Variants in UHRF2 observed in about 807,000 individuals in gnomAD.
UHRF2 encodes the protein ubiquitin like with PHD and ring finger domains 2.
In UHRF2, 23 loss-of-function variants were observed where a neutral mutation model predicts 96.8. That is an observed-to-expected ratio of 0.24 (90% CI 0.17 to 0.34). The LOEUF (loss-of-function observed/expected upper bound fraction) is 0.34, where lower values mean the gene tolerates loss of function less well. UHRF2 is among the 10% of genes least tolerant of loss of function. The pLI is 1.00. For synonymous variants in UHRF2, 385 were observed against 332.6 expected, an observed-to-expected ratio of 1.16 and a Z score of -1.72; for missense variants, 685 against 981.5, an observed-to-expected ratio of 0.70 and a Z score of 4.04.
chr9:6,447,540 A>T (rs1464608730), intron 3 of UHRF2, among the ~76,000 whole-genome samples: 1 of 152,230 alleles, frequency 6.6e-6, no homozygotes, highest in Non-Finnish European at 1.5e-5. Context: ...CTGAGAGTAG[A>T]TTAATACAGC....
intron 2 of UHRF2, among the ~76,000 whole-genome samples, chr9:6,428,713 CT>C: frequency 3.3e-5 from 5 of 151,984 alleles, no homozygotes; most frequent in African/African-American, 1.2e-4. Context: ...CCATACCCAG[CT>C]AATTTTCAAT....
At chr9:6,504,344 A>G in intron 14 of UHRF2, 2 of 284,424 alleles carry the variant, frequency 7.0e-6, no homozygotes, top group South Asian at 8.7e-5. Context: ...AAGACATTAA[A>G]TGTGACTGAA....
intron 4 of UHRF2, among the ~76,000 whole-genome samples, chr9:6,461,970 T>A (rs1180974781): frequency 6.6e-6 from 1 of 151,916 alleles, no homozygotes; most frequent in Non-Finnish European, 1.5e-5. Context: ...CCGAGGGTTT[T>A]AGAATAACCC....
At position 6,488,524 on chromosome 9, in the gene UHRF2, T is replaced by C. The variant is rs894094713; in HGVS notation, c.1497+1599T>C. Among the ~76,000 whole-genome samples, 5 of 148,928 alleles carry C rather than the reference T, an allele frequency of 3.4e-5. No homozygotes were observed. In the Admixed American group the frequency reaches 3.4e-4, roughly 10 times the overall value. Reference sequence around the variant, plus strand: ...CTTAACCTCTGACAACCACTAATCTTTTCTCTTTTTCTTTTCTTTTTTTTT... The same window carrying C: ...CTTAACCTCTGACAACCACTAATCTCTTCTCTTTTTCTTTTCTTTTTTTTT... On this transcript the variant is annotated intron_variant, in intron 9 of 15. Transcript: ENST00000276893.
chr9:6,422,773 A>G, intron 2 of UHRF2: 1 of 429,330 alleles, frequency 2.3e-6, no homozygotes, highest in Non-Finnish European at 4.2e-6. Flanking sequence ...ATGCCCGGCT[A>G]ACTTAGATCT....
chr9:6,501,301 A>T (rs577287650), intron 14 of UHRF2, among the ~76,000 whole-genome samples: 1 of 152,162 alleles, frequency 6.6e-6, no homozygotes, highest in Non-Finnish European at 1.5e-5. Context: ...AATATGAACT[A>T]TCTCTTCATT....
At chr9:6,484,448 TCCTCCCC>T (rs1824134141) in intron 8 of UHRF2, 2 of 73,296 alleles carry the variant, frequency 2.7e-5, no homozygotes, top group Admixed American at 3.8e-4. Context: ...CCCTCCTCCC[TCCTCCCC>T]CCTCCTCCTG....
intron 2 of UHRF2, among the ~76,000 whole-genome samples, chr9:6,430,171 C>T (rs1275549102): frequency 3.3e-5 from 5 of 152,090 alleles, no homozygotes; most frequent in Admixed American, 2.0e-4. Context: ...CCACCATGCC[C>T]GGCTAATTTT....
intron 8 of UHRF2, among the ~76,000 whole-genome samples, chr9:6,482,488 A>G (rs544144621): frequency 6.3e-4 from 96 of 152,308 alleles, no homozygotes; most frequent in African/African-American, 2.0e-3. Context: ...TATCCTCCTG[A>G]ACAAATGCTA....
At chr9:6,459,397 G>C (rs893119651) in intron 3 of UHRF2, among the ~76,000 whole-genome samples, 1 of 152,128 alleles carries the variant, frequency 6.6e-6, no homozygotes, top group Admixed American at 6.5e-5. Context: ...GGCCGGGTGC[G>C]GTGGCTCATG....
chr9:6,427,847 GA>G (rs1820346954), intron 2 of UHRF2, among the ~76,000 whole-genome samples: 1 of 152,156 alleles, frequency 6.6e-6, no homozygotes, highest in Non-Finnish European at 1.5e-5. Context: ...AGATTGTACA[GA>G]GGCTGGGTCC....
intron 2 of UHRF2, chr9:6,422,526 T>A (rs1819989359): frequency 2.3e-6 from 1 of 434,298 alleles, no homozygotes. Flanking sequence ...ATTGCATCTA[T>A]AGATCAGCTT....
chr9:6,474,205 C>T (rs1370512918), intron 4 of UHRF2, among the ~76,000 whole-genome samples: 1 of 152,124 alleles, frequency 6.6e-6, no homozygotes, highest in African/African-American at 2.4e-5. Flanking sequence ...ATTGGTTAAG[C>T]TATGCATTTA....
intron 8 of UHRF2, among the ~76,000 whole-genome samples, chr9:6,484,059 T>G (rs1475153832): frequency 6.6e-6 from 1 of 151,456 alleles, no homozygotes; most frequent in African/African-American, 2.4e-5. Flanking sequence ...ATTTACCTTC[T>G]TATTTCTTTC....
chr9:6,484,096 A>G (rs1448566100), intron 8 of UHRF2, among the ~76,000 whole-genome samples: 5 of 146,932 alleles, frequency 3.4e-5, no homozygotes, highest in Non-Finnish European at 7.5e-5. Context: ...TTTAAGAGAC[A>G]GGGTCTTGCT....
In UHRF2 at chr9:6,506,366, T is replaced by C. The variant is rs953719592; in HGVS notation, c.*187T>C. On this transcript the variant is annotated 3_prime_UTR_variant, in exon 16 of 16. Coordinates refer to ENST00000276893, the MANE Select transcript of UHRF2 (RefSeq NM_152896.3). Reference sequence around the variant, plus strand: ...CCATTTCTCAACTGTCTTTTAAATATCTAAAGGTAGTTCCTGTAACAACTA... The same window carrying C: ...CCATTTCTCAACTGTCTTTTAAATACCTAAAGGTAGTTCCTGTAACAACTA... The C allele has an allele frequency of 7.6e-6, 5 of 654,922 alleles. No individual in the cohort carries two copies. The highest frequency in any genetic ancestry group is 5.5e-5 in the African/African-American group (3 of 54,378). The allele number at this position is 654,922 out of a possible 1,614,324, so 40.6% of individuals were successfully genotyped here.
chr9:6,436,113 T>C (rs775889911), intron 3 of UHRF2, among the ~76,000 whole-genome samples: 3 of 152,228 alleles, frequency 2.0e-5, no homozygotes, highest in Non-Finnish European at 2.9e-5. Context: ...GAAAATATTA[T>C]GCTACCAAAT....
In UHRF2 at chr9:6,497,255, G is replaced by A. The variant is rs932791540; in HGVS notation, c.1662G>A (p.Arg554=). The change falls in exon 11 of 16, where the codon CGG becomes CGA. Residue 554 remains arginine, a synonymous_variant. Transcript: ENST00000276893. ...ATGATAAAATTGGAGCAGAGTCTCG[G>A]AATTGGAGAGCTGGTAAGCCAGTCA... ...PLDDKIGAES[R]NWRAGKPVRV... The A allele has an allele frequency of 1.2e-6, 2 of 1,613,886 alleles. No individual in the cohort carries two copies. Among genetic ancestry groups the A allele is most frequent in the Admixed American group, 1.7e-5 (1 of 59,982 alleles).
intron 10 of UHRF2, chr9:6,495,341 CAGAG>C (rs1179654361): frequency 2.0e-5 from 3 of 152,168 alleles, no homozygotes; most frequent in South Asian, 2.1e-4. Context: ...ATTGAATTAT[CAGAG>C]AGACTTTAAC....
Sources: gnomAD v4.1 joint callset for allele counts (sites outside exome capture counted in the v4.1 genomes callset) on GRCh38, gnomAD v4.1.1 for gene constraint, MANE v1.5 for transcripts, NCBI Gene and HGNC (gene_info 2026-07-23, HGNC 2026-07-21) for gene names.